The following DCAF7 variants were observed in gnomAD, a reference collection of about 807,000 sequenced individuals.
DCAF7 encodes the protein DDB1- and CUL4-associated factor 7.
In DCAF7, 4 loss-of-function variants were observed where a neutral mutation model predicts 41.2. The observed-to-expected ratio is 0.10, with a 90% CI of 0.05 to 0.22. DCAF7 has a LOEUF of 0.22. DCAF7 is among the 10% of genes least tolerant of loss of function. DCAF7 has a pLI of 1.00. For synonymous variants in DCAF7, 143 were observed against 164.2 expected, an observed-to-expected ratio of 0.87 and a Z score of 0.99; for missense variants, 131 against 443.2, an observed-to-expected ratio of 0.30 and a Z score of 6.32.
At position 63,560,203 on chromosome 17, in the gene DCAF7, C is replaced by CTG. The variant is rs941595250; in HGVS notation, c.138+9400_138+9401dup. Among the ~76,000 whole-genome samples the CTG allele has an allele frequency of 5.9e-5, 9 of 151,568 alleles. No individual in the cohort carries two copies. The South Asian group carries it at 6.3e-4, about 11-fold the overall frequency. On this transcript the variant is annotated intron_variant, in intron 1 of 6. Transcript: ENST00000614556. ...AAAAATAAAAAACCGTGGTAATCTACTGTGTGTGTGTGTATACACGTATGT... is the reference window on the plus strand; with the variant it reads ...AAAAATAAAAAACCGTGGTAATCTACTGTGTGTGTGTGTGTATACACGTATGT...
chr17:63,561,145 A>G (rs1295366024), intron 1 of DCAF7, among the ~76,000 whole-genome samples: 3 of 152,118 alleles, frequency 2.0e-5, no homozygotes, highest in Non-Finnish European at 4.4e-5. Flanking sequence ...TGTGCCTGTA[A>G]TCCCAGCTAC....
rs923733834 is a variant in DCAF7, at chr17:63,550,896, C to T, written c.138+81C>T. On this transcript the variant is annotated intron_variant, in intron 1 of 6. Coordinates refer to ENST00000614556, the MANE Select transcript of DCAF7 (RefSeq NM_005828.5). This position sits in a 1 kb window ranked among gnomAD's most constrained non-coding sequence, Gnocchi z 4.8. Reference sequence around the variant, plus strand: ...CCTTTCCGGGCCGGAGCCCAGGCCTCAGAACCCTCTTGCGGACTCGCCCTA... The same window carrying T: ...CCTTTCCGGGCCGGAGCCCAGGCCTTAGAACCCTCTTGCGGACTCGCCCTA... The T allele has an allele frequency of 3.9e-6, 6 of 1,544,500 alleles. No homozygotes were observed. The highest frequency in any genetic ancestry group is 5.2e-6 in the Non-Finnish European group (6 of 1,146,556).
intron 1 of DCAF7, among the ~76,000 whole-genome samples, chr17:63,558,430 A>G (rs1166879862): frequency 6.6e-6 from 1 of 152,238 alleles, no homozygotes; most frequent in Non-Finnish European, 1.5e-5. Flanking sequence ...TGGGGAACAC[A>G]AAACAATACT....
intron 1 of DCAF7, among the ~76,000 whole-genome samples, chr17:63,560,313 A>G (rs1449690878): frequency 6.6e-6 from 1 of 152,138 alleles, no homozygotes; most frequent in Non-Finnish European, 1.5e-5. Context: ...TTCATCCTAC[A>G]GCTATACTCA....
intron 6 of DCAF7, among the ~76,000 whole-genome samples, chr17:63,586,790 G>A (rs1003204281): frequency 6.6e-6 from 1 of 151,940 alleles, no homozygotes. Flanking sequence ...TATGCTGGTT[G>A]TCAATGCACT....
At chr17:63,562,438 T>C (rs768224613) in intron 1 of DCAF7, among the ~76,000 whole-genome samples, 2 of 152,202 alleles carry the variant, frequency 1.3e-5, no homozygotes, top group African/African-American at 2.4e-5. Context: ...GCAGATTCTA[T>C]AGTACATACA....
intron 1 of DCAF7, among the ~76,000 whole-genome samples, chr17:63,559,431 A>ATATATATATGTG: frequency 1.0e-5 from 1 of 98,290 alleles, no homozygotes; most frequent in African/African-American, 5.3e-5. Flanking sequence ...GTATATATAT[A>ATATATATATGTG]TGTGTGTGTA....
chr17:63,551,891 C>CAAAAAAAAAAAAAAAAAAAAAA (rs529811578), intron 1 of DCAF7, among the ~76,000 whole-genome samples: 4 of 27,294 alleles, frequency 1.5e-4, no homozygotes, highest in Non-Finnish European at 1.6e-4. Context: ...TACTAAAATA[C>CAAAAAAAAAAAAAAAAAAAAAA]AAAAAAAAAA....
At chr17:63,559,351 A>ATGTATATATATATGTG (rs2033347175) in intron 1 of DCAF7, among the ~76,000 whole-genome samples, 2 of 132,520 alleles carry the variant, frequency 1.5e-5, no homozygotes, top group Admixed American at 8.0e-5. Context: ...ATATATACGT[A>ATGTATATATATATGTG]TATATATGTA....
Position 63,566,707 on chromosome 17 carries a change from G to A in DCAF7, c.139-11763G>A, listed in dbSNP as rs139526140. On this transcript the variant is annotated intron_variant, in intron 1 of 6. Transcript: ENST00000614556. The stretch of plus-strand genomic sequence containing the variant: ...AGGCCAGGGCGGGAGGATTGTTTGA[G>A]CCCAGGAGTTCGAGGGAGACCCTAT... Among the ~76,000 whole-genome samples the A allele has an allele frequency of 1.2e-4, 18 of 152,256 alleles. No individual in the cohort carries two copies. In the East Asian group the frequency reaches 2.9e-3, roughly 25 times the overall value.
At chr17:63,555,023 T>C (rs1287099540) in intron 1 of DCAF7, among the ~76,000 whole-genome samples, 1 of 152,236 alleles carries the variant, frequency 6.6e-6, no homozygotes, top group African/African-American at 2.4e-5. Context: ...CTAGTTTAAA[T>C]CCATTTTCTC....
At chr17:63,564,957 T>C (rs540690118) in intron 1 of DCAF7, among the ~76,000 whole-genome samples, 4 of 152,174 alleles carry the variant, frequency 2.6e-5, no homozygotes, top group Non-Finnish European at 5.9e-5. Flanking sequence ...TACTAACAAT[T>C]TGTAACAGTA....
At chr17:63,580,272 T>C (rs377594980) in intron 4 of DCAF7, among the ~76,000 whole-genome samples, 42 of 152,042 alleles carry the variant, frequency 2.8e-4, no homozygotes, top group Admixed American at 2.7e-3. Context: ...GTAATACTTA[T>C]CTTGAAACAG....
chr17:63,589,074 A>T lies in DCAF7; in HGVS notation c.931A>T (p.Thr311Ser), dbSNP rs761458805. 5 of 1,613,860 alleles carry T rather than the reference A, an allele frequency of 3.1e-6. No individual in the cohort carries two copies. The highest frequency in any genetic ancestry group is 4.2e-6 in the Non-Finnish European group (5 of 1,179,898). The change falls in exon 7 of 7, where the codon ACA (threonine) becomes TCA (serine). Residue 311 changes from threonine (T) to serine (S), a missense_variant. Physicochemically the swap from Thr to Ser is moderately conservative, Grantham distance 58. Coordinates refer to ENST00000614556, the MANE Select transcript of DCAF7 (RefSeq NM_005828.5). ...RAIEDPILAY[T>S]AEGEINNVQW... is the part of the protein sequence containing the mutation. Reference sequence around the variant, plus strand: ...CATTGAGGACCCTATCCTGGCCTACACAGCTGAAGGAGAGATCAACAATGT... The same window carrying T: ...CATTGAGGACCCTATCCTGGCCTACTCAGCTGAAGGAGAGATCAACAATGT...
At chr17:63,558,474 A>G (rs2033334118) in intron 1 of DCAF7, among the ~76,000 whole-genome samples, 1 of 152,248 alleles carries the variant, frequency 6.6e-6, no homozygotes, top group Non-Finnish European at 1.5e-5. Flanking sequence ...TTTCTTGTAT[A>G]GTAAAGCTTG....
rs2033736452 is a variant in DCAF7 at position 63,591,823 on chromosome 17, T to C, written c.*2651T>C. On this transcript the variant is annotated 3_prime_UTR_variant, in exon 7 of 7. Transcript: ENST00000614556. Reference sequence around the variant, plus strand: ...GCGGGAGGAGCAGCCACTAGGACTTTAGCAGGAAGCCCACATGGAGGCTCC... The same window carrying C: ...GCGGGAGGAGCAGCCACTAGGACTTCAGCAGGAAGCCCACATGGAGGCTCC... 1 of 152,416 alleles carries C rather than the reference T, an allele frequency of 6.6e-6. No individual in the cohort carries two copies. Among genetic ancestry groups the C allele is most frequent in the Non-Finnish European group, 1.5e-5 (1 of 68,064 alleles). The allele number at this position is 152,416 out of a possible 1,614,324, so 9.4% of individuals were successfully genotyped here.
At chr17:63,564,136 T>TACAC (rs369218596) in intron 1 of DCAF7, among the ~76,000 whole-genome samples, 5,002 of 148,040 alleles carry the variant, frequency 0.034, 129 homozygotes, top group African/African-American at 0.066. Context: ...GTTAACTTTA[T>TACAC]ACACACACAC....
intron 2 of DCAF7, 106 bp from the exon 3 acceptor site, chr17:63,579,231 C>G: frequency 1.4e-6 from 1 of 712,178 alleles, no homozygotes; most frequent in African/African-American, 1.8e-5. Context: ...AATGTTTTCC[C>G]CTCATGTCTT....
intron 1 of DCAF7, among the ~76,000 whole-genome samples, chr17:63,562,856 C>T (rs1273804837): frequency 1.3e-5 from 2 of 150,598 alleles, no homozygotes; most frequent in Non-Finnish European, 2.9e-5. Flanking sequence ...CACTGTCTTG[C>T]TCTATGAGCT....
Sources: allele counts gnomAD v4.1 joint callset (sites outside exome capture counted in the v4.1 genomes callset), GRCh38; gene constraint gnomAD v4.1.1; non-coding constraint Gnocchi (gnomAD v3.1); transcripts MANE v1.5; gene names NCBI Gene and HGNC (gene_info 2026-07-23, HGNC 2026-07-21).